Variants in AHCY observed in about 807,000 individuals in gnomAD.
AHCY encodes adenosylhomocysteinase, also known as S-adenosyl-L-homocysteine hydrolase.
Under a neutral mutation model 45.4 loss-of-function variants are expected in AHCY, and 24 were observed. That is an observed-to-expected ratio of 0.53 (90% CI 0.38 to 0.74). The LOEUF (loss-of-function observed/expected upper bound fraction) is 0.74, where lower values mean the gene tolerates loss of function less well. Ranked by LOEUF, AHCY falls within the 30% of genes least tolerant of loss-of-function variation. The probability of loss-of-function intolerance (pLI) is 0.00; values close to 1 mark genes in which losing one functional copy is unlikely to be tolerated. For synonymous variants in AHCY, 245 were observed against 235.1 expected (o/e 1.04, Z -0.39); for missense variants, 449 against 594.1 (o/e 0.76, Z 2.54).
the AHCY span, chr20:34,246,630 G>A: frequency 3.2e-5 from 19 of 597,046 alleles, no homozygotes; most frequent in African/African-American, 9.2e-5. Flanking sequence ...CTAATTTTTT[G>A]TATTTTTGGT....
chr20:34,258,690 T>TATATATATATATATATAC, the AHCY span, among the ~76,000 whole-genome samples: 10 of 72,302 alleles, frequency 1.4e-4, 2 homozygotes, highest in South Asian at 4.1e-4. Context: ...TATATATATA[T>TATATATATATATATATAC]ACATACTATA....
chr20:34,299,969 G>A (rs373618244), intron 1 of AHCY, among the ~76,000 whole-genome samples: 4 of 152,172 alleles, frequency 2.6e-5, no homozygotes, highest in African/African-American at 7.2e-5. Context: ...CGGATCACCC[G>A]AGGTCAGAAG....
At chr20:34,307,635 G>C (rs1053421491), upstream of AHCY, among the ~76,000 whole-genome samples, 2 of 152,202 alleles carry the variant, frequency 1.3e-5, no homozygotes, top group African/African-American at 4.8e-5. Context: ...GCTTCCCAAA[G>C]TATTGGGATT....
At position 34,281,014 on chromosome 20, in the gene AHCY, G is replaced by A. The variant is rs769782775; in HGVS notation, c.*20C>T. 3.7e-6 allele frequency: 6 copies of A among 1,613,984 alleles called. No individual in the cohort carries two copies. The South Asian group carries it at 6.6e-5, about 18-fold the overall frequency. On this transcript the variant is annotated 3_prime_UTR_variant, in exon 10 of 10. Coordinates refer to ENST00000217426, the MANE Select transcript of AHCY (RefSeq NM_000687.4). ...CCTGGGCAAGGACAGCAGCTGGAGG[G>A]TGAAACGCAGACCTGGCTCTCAGTA... is the stretch of plus-strand genomic sequence containing the variant.
At chr20:34,291,021 A>G in intron 5 of AHCY, 83 bp from the exon 6 acceptor site, 4 of 1,388,724 alleles carry the variant, frequency 2.9e-6, no homozygotes, top group Admixed American at 3.7e-5. Flanking sequence ...TATTCTGAAG[A>G]GCCCAGGCAT....
At chr20:34,261,972 G>A in the AHCY span, among the ~76,000 whole-genome samples, 6 of 151,908 alleles carry the variant, frequency 3.9e-5, no homozygotes, top group Non-Finnish European at 5.9e-5. Flanking sequence ...AATTAGCCAG[G>A]TGTGGTGGTA....
chr20:34,264,853 T>C, the AHCY span, among the ~76,000 whole-genome samples: 1 of 147,120 alleles, frequency 6.8e-6, no homozygotes, highest in Admixed American at 7.1e-5. Context: ...TGGAGTGCAG[T>C]GGCACCATCT....
the AHCY span, among the ~76,000 whole-genome samples, chr20:34,248,491 G>A: frequency 6.6e-6 from 1 of 152,056 alleles, no homozygotes; most frequent in African/African-American, 2.4e-5. Context: ...ATTCTCAGAG[G>A]GCAAATCCTC....
the AHCY span, among the ~76,000 whole-genome samples, chr20:34,240,593 G>A: frequency 2.1e-3 from 321 of 152,186 alleles, 2 homozygotes; most frequent in African/African-American, 7.5e-3. Flanking sequence ...TAATAAGGTG[G>A]GCTGGGCCTC....
the AHCY span, among the ~76,000 whole-genome samples, chr20:34,262,171 G>T: frequency 1.3e-5 from 2 of 152,126 alleles, no homozygotes; most frequent in Admixed American, 1.3e-4. Context: ...TATCAGACAG[G>T]GAAGGGAGGA....
At chr20:34,273,594 T>C in the AHCY span, among the ~76,000 whole-genome samples, 1 of 152,132 alleles carries the variant, frequency 6.6e-6, no homozygotes, top group Non-Finnish European at 1.5e-5. Context: ...ATTACCCCAG[T>C]CATACAGTAG....
chr20:34,270,325 C>G, the AHCY span, among the ~76,000 whole-genome samples: 28 of 152,044 alleles, frequency 1.8e-4, no homozygotes, highest in East Asian at 5.4e-3. Context: ...CCTCTCTGTT[C>G]CTTAACACAA....
the AHCY span, among the ~76,000 whole-genome samples, chr20:34,244,325 C>T: frequency 0.28 from 42,792 of 152,074 alleles, 10,920 homozygotes; most frequent in African/African-American, 0.69. Flanking sequence ...TCCAGGACTA[C>T]ATCTTGAGCA....
chr20:34,306,568 C>T (rs533897394), upstream of AHCY, among the ~76,000 whole-genome samples: 1 of 152,136 alleles, frequency 6.6e-6, no homozygotes, highest in Non-Finnish European at 1.5e-5. Flanking sequence ...GGTGTTTCAC[C>T]ATGTTGGCCA....
chr20:34,256,287 C>T, the AHCY span, among the ~76,000 whole-genome samples: 2 of 152,170 alleles, frequency 1.3e-5, no homozygotes, highest in African/African-American at 4.8e-5. Context: ...AATAACAGCA[C>T]AGCCAGGCAT....
chr20:34,284,195 C>G (rs979870193), intron 9 of AHCY, among the ~76,000 whole-genome samples: 1 of 152,034 alleles, frequency 6.6e-6, no homozygotes. Context: ...GGGTCTCACT[C>G]TGTCACCAGG....
chr20:34,248,735 G>A, the AHCY span, among the ~76,000 whole-genome samples: 1 of 152,078 alleles, frequency 6.6e-6, no homozygotes. Flanking sequence ...AGGAGGTCAA[G>A]GCTGCAGTGA....
intron 1 of AHCY, 85 bp from the exon 2 acceptor site, chr20:34,295,670 C>A: frequency 7.2e-7 from 1 of 1,380,658 alleles, no homozygotes; most frequent in East Asian, 2.4e-5. Flanking sequence ...CCCCGATCCA[C>A]GTGTGGACTC....
chr20:34,245,202 C>T, the AHCY span, among the ~76,000 whole-genome samples: 440 of 151,040 alleles, frequency 2.9e-3, 1 homozygote, highest in Admixed American at 4.6e-3. Context: ...GGCGTGGTGG[C>T]AGGCGCCTGT....
Sources: allele counts gnomAD v4.1 joint callset (sites outside exome capture counted in the v4.1 genomes callset), GRCh38; gene constraint gnomAD v4.1.1; transcripts MANE v1.5; gene names NCBI Gene and HGNC (gene_info 2026-07-23, HGNC 2026-07-21).